The following GTF2E2 variants were observed in gnomAD, a reference collection of about 807,000 sequenced individuals.
The protein encoded by GTF2E2 is general transcription factor IIE subunit 2.
GTF2E2 carries 21 observed loss-of-function variants against 40.5 expected under a neutral mutation model. The ratio of observed to expected loss-of-function variants is 0.52; its 90% CI spans 0.37 to 0.75. GTF2E2 has a LOEUF of 0.75. Ranked by LOEUF, GTF2E2 falls within the 30% of genes least tolerant of loss-of-function variation. The pLI is 0.00. For synonymous variants in GTF2E2, 117 were observed against 121.6 expected (o/e 0.96, Z 0.25); for missense variants, 298 against 338.4 (o/e 0.88, Z 0.94).
chr8:30,622,599 C>T lies in GTF2E2; in HGVS notation c.259-7884G>A, dbSNP rs190803771. ...ACCGGTCTGACCAAAATTTATTGGGCGGGAATTTCCTCGTCCTAATAAGCC... is the reference window on the plus strand; with the variant it reads ...ACCGGTCTGACCAAAATTTATTGGGTGGGAATTTCCTCGTCCTAATAAGCC... On this transcript the variant is annotated intron_variant, in intron 3 of 7. Coordinates refer to ENST00000355904, the MANE Select transcript of GTF2E2 (RefSeq NM_002095.6). Among the ~76,000 whole-genome samples, 335 of 151,860 alleles carry T rather than the reference C, an allele frequency of 2.2e-3. 2 individuals carry two copies. Among genetic ancestry groups the T allele is most frequent in the South Asian group, 4.2e-3 (20 of 4,802 alleles).
intron 6 of GTF2E2, among the ~76,000 whole-genome samples, chr8:30,585,585 G>A (rs1020539130): frequency 8.5e-5 from 13 of 152,088 alleles, no homozygotes; most frequent in Admixed American, 7.2e-4. Flanking sequence ...TTGTTCTGCA[G>A]ACTTGACAAA....
chr8:30,591,392 G>A (rs889221820), intron 6 of GTF2E2, among the ~76,000 whole-genome samples: 8 of 152,264 alleles, frequency 5.3e-5, no homozygotes, highest in Non-Finnish European at 1.2e-4. Context: ...GCTGAGAAGG[G>A]AGGATTGCAT....
At chr8:30,586,957 T>C (rs900245750) in intron 6 of GTF2E2, among the ~76,000 whole-genome samples, 44 of 152,202 alleles carry the variant, frequency 2.9e-4, no homozygotes, top group Admixed American at 1.2e-3. Flanking sequence ...CAATCATTTT[T>C]TGGATTTGAC....
At chr8:30,604,727 A>G (rs755790974) in intron 6 of GTF2E2, among the ~76,000 whole-genome samples, 1 of 152,236 alleles carries the variant, frequency 6.6e-6, no homozygotes, top group Non-Finnish European at 1.5e-5. Context: ...CTAGAGTTTA[A>G]TATTACTATT....
At chr8:30,580,438 C>T in intron 6 of GTF2E2, 42 bp from the exon 7 acceptor site, 4 of 1,055,542 alleles carry the variant, frequency 3.8e-6, no homozygotes, top group Non-Finnish European at 5.9e-6. Context: ...TCCATTTTTA[C>T]AAACTATAGC....
In GTF2E2 at chr8:30,653,555, C is replaced by T. The variant is rs776927046; in HGVS notation, c.44G>A (p.Arg15Gln). The T allele has an allele frequency of 1.9e-6, 3 of 1,613,100 alleles. No homozygotes were observed. The highest frequency in any genetic ancestry group is 2.2e-5 in the South Asian group (2 of 90,992). ...LLRERELFKK[R>Q]ALSTPVVEKR... ...TTCTACTACAGGAGTAGAAAGAGCTCGTTTTTTGAACAGCTCCCTTTCTCT... is the reference window on the plus strand; with the variant it reads ...TTCTACTACAGGAGTAGAAAGAGCTTGTTTTTTGAACAGCTCCCTTTCTCT... The change falls in exon 2 of 8, where the codon CGA (arginine) becomes CAA (glutamine). Residue 15 changes from arginine to glutamine, a missense_variant. Transcript: ENST00000355904.
intron 6 of GTF2E2, among the ~76,000 whole-genome samples, chr8:30,592,741 A>C (rs1486306342): frequency 6.6e-6 from 1 of 152,198 alleles, no homozygotes; most frequent in African/African-American, 2.4e-5. Flanking sequence ...ATAAAGACAA[A>C]ATTTTTTTCC....
At chr8:30,605,241 T>C (rs2097960188) in intron 6 of GTF2E2, among the ~76,000 whole-genome samples, 1 of 152,154 alleles carries the variant, frequency 6.6e-6, no homozygotes, top group African/African-American at 2.4e-5. Flanking sequence ...ATATGTTTGT[T>C]GAAGGCATCA....
intron 2 of GTF2E2, among the ~76,000 whole-genome samples, chr8:30,649,250 C>T (rs935929960): frequency 6.6e-6 from 1 of 151,740 alleles, no homozygotes; most frequent in Non-Finnish European, 1.5e-5. Context: ...AAATTAACAT[C>T]AATAAAAATT....
chr8:30,586,298 A>G (rs1828681379), intron 6 of GTF2E2, among the ~76,000 whole-genome samples: 1 of 152,164 alleles, frequency 6.6e-6, no homozygotes, highest in South Asian at 2.1e-4. Context: ...CTTGTGTGCT[A>G]CACAGAAAAA....
At chr8:30,634,985 T>G in intron 3 of GTF2E2, 47 bp downstream of exon 3, 1 of 1,034,856 alleles carries the variant, frequency 9.7e-7, no homozygotes, top group East Asian at 2.4e-5. Context: ...CTCCTTCTTT[T>G]GCCAAAAAGT....
intron 6 of GTF2E2, among the ~76,000 whole-genome samples, chr8:30,591,872 C>T (rs1828860522): frequency 6.6e-6 from 1 of 152,014 alleles, no homozygotes; most frequent in Admixed American, 6.6e-5. Context: ...GTGGAAAAAC[C>T]CAAATATCCA....
chr8:30,584,167 T>C (rs931025590), intron 6 of GTF2E2, among the ~76,000 whole-genome samples: 3 of 151,802 alleles, frequency 2.0e-5, no homozygotes, highest in African/African-American at 7.2e-5. Flanking sequence ...ATTTCCTTCA[T>C]GTTGGTTCCT....
intron 3 of GTF2E2, among the ~76,000 whole-genome samples, chr8:30,620,255 C>CACACACAA: frequency 6.6e-6 from 1 of 151,684 alleles, no homozygotes; most frequent in South Asian, 2.1e-4. Flanking sequence ...CACACACACA[C>CACACACAA]ACAAACACAC....
chr8:30,649,964 C>A (rs958093204), intron 2 of GTF2E2, among the ~76,000 whole-genome samples: 1 of 152,164 alleles, frequency 6.6e-6, no homozygotes, highest in Admixed American at 6.5e-5. Context: ...TTACAAAGAG[C>A]TTTCCACAAA....
rs528481945 is a variant in GTF2E2 at position 30,648,454 on chromosome 8, G to A, written c.166+4979C>T. On this transcript the variant is annotated intron_variant, in intron 2 of 7. Coordinates refer to ENST00000355904, the MANE Select transcript of GTF2E2 (RefSeq NM_002095.6). ...CAGCTAACCTAGCAATCCAATGACC[G>A]TGGCCTGAACTAGAGTGGCATGGTA... 9.2e-5 allele frequency among the ~76,000 whole-genome samples: 14 copies of A among 152,332 alleles called. No homozygotes were observed. In the South Asian group the frequency reaches 1.7e-3, roughly 18 times the overall value.
intron 4 of GTF2E2, among the ~76,000 whole-genome samples, chr8:30,613,028 T>C (rs553284498): frequency 6.6e-6 from 1 of 152,354 alleles, no homozygotes; most frequent in Admixed American, 6.5e-5. Flanking sequence ...TTTATTTACA[T>C]AAATTCTTTG....
At position 30,653,421 on chromosome 8, in the gene GTF2E2, A is replaced by G. The variant is rs1271911229; in HGVS notation, c.166+12T>C. On this transcript the variant is annotated intron_variant, in intron 2 of 7. Transcript: ENST00000355904. ...GAATAAAAACCAAACAGTCCTAAAC[A>G]ATTTTACTAACCAGAATTTTGTTTA... 18 of 1,606,122 alleles carry G rather than the reference A, an allele frequency of 1.1e-5. No individual in the cohort carries two copies. Among genetic ancestry groups the G allele is most frequent in the Non-Finnish European group, 1.2e-5 (14 of 1,174,574 alleles).
intron 6 of GTF2E2, among the ~76,000 whole-genome samples, chr8:30,600,198 C>T (rs1829137482): frequency 6.6e-6 from 1 of 152,174 alleles, no homozygotes; most frequent in Non-Finnish European, 1.5e-5. Context: ...TGCAAAAAAT[C>T]AGCACAAATG....
Sources: allele counts gnomAD v4.1 joint callset (sites outside exome capture counted in the v4.1 genomes callset), GRCh38; gene constraint gnomAD v4.1.1; transcripts MANE v1.5; gene names NCBI Gene and HGNC (gene_info 2026-07-23, HGNC 2026-07-21).